Variants in KL observed in about 807,000 individuals in gnomAD.
KL encodes klotho.
KL carries 62 observed loss-of-function variants against 84.2 expected under a neutral mutation model. The observed-to-expected ratio is 0.74, with a 90% confidence interval of 0.60 to 0.91. KL has a LOEUF of 0.91. Among genes scored for constraint, KL ranks in the 40% least tolerant of loss-of-function variants. The probability of loss-of-function intolerance (pLI) is 0.00; values close to 1 mark genes in which losing one functional copy is unlikely to be tolerated. For synonymous variants in KL, 528 were observed against 528.0 expected (o/e 1.00, Z 0.00); for missense variants, 1,261 against 1,305.7 (o/e 0.97, Z 0.53).
rs919299562 is a variant in KL, at chr13:33,065,066, T to C, written c.*880T>C. 2 of 227,950 alleles carry C rather than the reference T, an allele frequency of 8.8e-6. No homozygotes were observed. The highest frequency in any genetic ancestry group is 4.4e-5 in the African/African-American group (2 of 45,002). The allele number at this position is 227,950 out of a possible 1,614,324, so 14.1% of individuals were successfully genotyped here. On this transcript the variant is annotated 3_prime_UTR_variant, in exon 5 of 5. Transcript: ENST00000380099. ...TGCAACATTATGATTAATCTGATTA[T>C]ACACCATTTTTGAGCAGATCTTGGA...
At chr13:33,059,716 C>T (rs779079994) in intron 3 of KL, among the ~76,000 whole-genome samples, 1 of 152,156 alleles carries the variant, frequency 6.6e-6, no homozygotes, top group Non-Finnish European at 1.5e-5. Flanking sequence ...CATGATCTGC[C>T]CGCCTTGGCC....
chr13:33,018,039 ACAG>A, intron 1 of KL, among the ~76,000 whole-genome samples: 2 of 152,350 alleles, frequency 1.3e-5, no homozygotes, highest in Middle Eastern at 3.4e-3. Context: ...ATTAATTTTG[ACAG>A]CAGGAAATAT....
rs571887315 is a variant in KL at position 33,050,051 on chromosome 13, G to T, written c.820-3716G>T. 2.9e-3 allele frequency among the ~76,000 whole-genome samples: 444 copies of T among 152,216 alleles called. 2 individuals are homozygous for T. Among genetic ancestry groups the T allele is most frequent in the Non-Finnish European group, 4.6e-3 (315 of 68,016 alleles). ...TTTACATGTTAATTGATATTCTTTT[G>T]CATTATCCTGAATAATGGTATTTCT... On this transcript the variant is annotated intron_variant, in intron 1 of 4. Transcript: ENST00000380099.
Position 33,061,680 on chromosome 13 carries a change from C to T in KL, c.2601C>T (p.Pro867=). ...TGAAGTTCAAGTACGGAGACCTCCC[C>T]ATGTACATAATATCCAATGGAATCG... ...NWLKFKYGDL[P]MYIISNGIDD... is the part of the protein sequence containing the mutation. The change falls in exon 4 of 5, where the codon CCC becomes CCT. Residue 867 remains proline, a synonymous_variant. Transcript: ENST00000380099. The T allele has an allele frequency of 6.2e-7, 1 of 1,614,120 alleles. No individual in the cohort carries two copies.
In KL at chr13:33,016,931, T is replaced by G; in HGVS notation, c.491T>G (p.Val164Gly). Residue 164 changes from valine to glycine, a missense_variant, in exon 1 of 5, where the codon GTC becomes GGC. By Grantham distance (109) the Val-to-Gly change is moderately radical (BLOSUM62 -3). Coordinates refer to ENST00000380099, the MANE Select transcript of KL (RefSeq NM_004795.4). ...GTGCTCCCCAATGGCAGCGCGGGCG[T>G]CCCCAACCGCGAGGGGCTGCGCTAC... ...ARVLPNGSAG[V>G]PNREGLRYYR... is the part of the protein sequence containing the mutation. 1 of 1,609,396 alleles carries G rather than the reference T, an allele frequency of 6.2e-7. No individual in the cohort carries two copies. Among genetic ancestry groups the G allele is most frequent in the East Asian group, 2.2e-5 (1 of 44,800 alleles).
Position 33,065,595 on chromosome 13 carries a change from T to C in KL, c.*1409T>C, listed in dbSNP as rs1872383399. The C allele has an allele frequency of 5.5e-6, 1 of 181,728 alleles. No individual in the cohort carries two copies. Among genetic ancestry groups the C allele is most frequent in the African/African-American group, 2.4e-5 (1 of 42,456 alleles). The allele number at this position is 181,728 out of a possible 1,614,324, so 11.3% of individuals were successfully genotyped here. ...TAATATATCATCTTTAGAGGTATGATTTTTTCATGAAAGATAAGCTTTTGG... is the reference window on the plus strand; with the variant it reads ...TAATATATCATCTTTAGAGGTATGACTTTTTCATGAAAGATAAGCTTTTGG... On this transcript the variant is annotated 3_prime_UTR_variant, in exon 5 of 5. Coordinates refer to ENST00000380099, the MANE Select transcript of KL (RefSeq NM_004795.4).
chr13:33,048,668 G>A (rs1403433379), intron 1 of KL, among the ~76,000 whole-genome samples: 1 of 152,176 alleles, frequency 6.6e-6, no homozygotes, highest in Non-Finnish European at 1.5e-5. Flanking sequence ...CAATACTGCT[G>A]TGTATTGTGT....
chr13:33,060,609 G>C, intron 3 of KL, 70 bp from the exon 4 acceptor site: 2 of 1,583,186 alleles, frequency 1.3e-6, no homozygotes, highest in Non-Finnish European at 1.7e-6. Context: ...TAGTTTTGCT[G>C]AAATAATTGC....
At position 33,060,088 on chromosome 13, in the gene KL, C is replaced by T. The variant is rs573976463; in HGVS notation, c.1600-591C>T. ...AGGTGATCCTCATACCTCAGCCTCC[C>T]GAGCAACTAGGACTACAGGCCCGTG... On this transcript the variant is annotated intron_variant, in intron 3 of 4. Transcript: ENST00000380099. 2.0e-3 allele frequency among the ~76,000 whole-genome samples: 297 copies of T among 152,186 alleles called. 4 individuals are homozygous for T. Among genetic ancestry groups the T allele is most frequent in the African/African-American group, 7.0e-3 (289 of 41,534 alleles).
intron 1 of KL, among the ~76,000 whole-genome samples, chr13:33,026,110 T>C (rs921673518): frequency 6.6e-6 from 1 of 151,942 alleles, no homozygotes; most frequent in African/African-American, 2.4e-5. Flanking sequence ...TATGAATAAG[T>C]ATGTAAAAAG....
intron 1 of KL, among the ~76,000 whole-genome samples, chr13:33,037,437 G>C (rs938987083): frequency 3.3e-5 from 5 of 152,130 alleles, no homozygotes; most frequent in Admixed American, 1.3e-4. Flanking sequence ...CTATGCATGA[G>C]CTGTCAACTT....
Position 33,064,882 on chromosome 13 carries a change from T to C in KL, c.*696T>C, listed in dbSNP as rs941979451. ...AGGGATCTGTCTCACTGGCATCTTG[T>C]TGAGGGCCTTGCACATAGGAAACTT... On this transcript the variant is annotated 3_prime_UTR_variant, in exon 5 of 5. Coordinates refer to ENST00000380099, the MANE Select transcript of KL (RefSeq NM_004795.4). 6 of 228,426 alleles carry C rather than the reference T, an allele frequency of 2.6e-5. No individual in the cohort carries two copies. Among genetic ancestry groups the C allele is most frequent in the African/African-American group, 1.3e-4 (6 of 45,110 alleles). The allele number at this position is 228,426 out of a possible 1,614,324, so 14.1% of individuals were successfully genotyped here.
Position 33,065,857 on chromosome 13 carries a change from T to C in KL, c.*1671T>C, listed in dbSNP as rs1872393359. Reference sequence around the variant, plus strand: ...CATAGATCATATTGTATATAGTTAGTATCTTTATTAATTTTTATTATGAAA... The same window carrying C: ...CATAGATCATATTGTATATAGTTAGCATCTTTATTAATTTTTATTATGAAA... On this transcript the variant is annotated 3_prime_UTR_variant, in exon 5 of 5. Coordinates refer to ENST00000380099, the MANE Select transcript of KL (RefSeq NM_004795.4). The C allele has an allele frequency of 5.7e-6, 1 of 174,300 alleles. No individual in the cohort carries two copies. The highest frequency in any genetic ancestry group is 2.4e-5 in the African/African-American group (1 of 42,198). 10.8% of individuals were successfully genotyped at this position (174,300 alleles called of 1,614,324 possible).
intron 1 of KL, among the ~76,000 whole-genome samples, chr13:33,024,444 A>G (rs530061038): frequency 6.6e-6 from 1 of 152,214 alleles, no homozygotes; most frequent in Admixed American, 6.5e-5. Flanking sequence ...CTGTCTCATC[A>G]TCCATCACCA....
At chr13:33,062,857 G>A (rs1356731105) in intron 4 of KL, among the ~76,000 whole-genome samples, 1 of 151,826 alleles carries the variant, frequency 6.6e-6, no homozygotes, top group South Asian at 2.1e-4. Context: ...GGGGGTGGGA[G>A]AATAACTTCC....
intron 1 of KL, among the ~76,000 whole-genome samples, chr13:33,036,028 G>A (rs985281788): frequency 6.6e-6 from 1 of 152,080 alleles, no homozygotes; most frequent in African/African-American, 2.4e-5. Context: ...ACAATCTTAA[G>A]TAACAAAACT....
In KL at chr13:33,016,591, C is replaced by G; in HGVS notation, c.151C>G (p.Pro51Ala). 2 of 1,501,832 alleles carry G rather than the reference C, an allele frequency of 1.3e-6. No individual in the cohort carries two copies. Among genetic ancestry groups the G allele is most frequent in the Non-Finnish European group, 1.8e-6 (2 of 1,125,576 alleles). 93.0% of individuals were successfully genotyped at this position (1,501,832 alleles called of 1,614,324 possible). Reference sequence around the variant, plus strand: ...GGCCCGTTTCTCGCGGCCTCCTGCCCCCGAGGCCGCGGGCCTCTTCCAGGG... The same window carrying G: ...GGCCCGTTTCTCGCGGCCTCCTGCCGCCGAGGCCGCGGGCCTCTTCCAGGG... ...TWARFSRPPA[P>A]EAAGLFQGTF... The change falls in exon 1 of 5, where the codon CCC (proline) becomes GCC (alanine). Residue 51 changes from proline (P) to alanine (A), a missense_variant. Pro to Ala is a conservative substitution (Grantham distance 27). Coordinates refer to ENST00000380099, the MANE Select transcript of KL (RefSeq NM_004795.4).
At chr13:33,057,821 T>C (rs1872022838) in intron 3 of KL, among the ~76,000 whole-genome samples, 1 of 152,214 alleles carries the variant, frequency 6.6e-6, no homozygotes, top group Non-Finnish European at 1.5e-5. Flanking sequence ...ATAAGTTCTT[T>C]GTATGTCAGT....
chr13:33,060,751 A>G lies in KL; in HGVS notation c.1672A>G (p.Ile558Val). The G allele has an allele frequency of 6.2e-7, 1 of 1,614,218 alleles. No individual in the cohort carries two copies. Among genetic ancestry groups the G allele is most frequent in the Non-Finnish European group, 8.5e-7 (1 of 1,180,026 alleles). ...GGATGTCCACCACAGTAAAAGGCTT[A>G]TTAAAGTGGATGGGGTTGTGACCAA... ...LWDVHHSKRL[I>V]KVDGVVTKKR... The change falls in exon 4 of 5, where the codon ATT (isoleucine) becomes GTT (valine). Residue 558 changes from isoleucine to valine, a missense_variant. By Grantham distance (29) the Ile-to-Val change is conservative. Coordinates refer to ENST00000380099, the MANE Select transcript of KL (RefSeq NM_004795.4).
Sources: allele counts gnomAD v4.1 joint callset (sites outside exome capture counted in the v4.1 genomes callset), GRCh38; gene constraint gnomAD v4.1.1; transcripts MANE v1.5; gene names NCBI Gene and HGNC (gene_info 2026-07-23, HGNC 2026-07-21).